Variants in NEB observed in about 807,000 individuals in gnomAD.
NEB encodes nebulin.
In NEB, 512 loss-of-function variants were observed where a neutral mutation model predicts 952.2. The ratio of observed to expected loss-of-function variants is 0.54; its 90% CI spans 0.50 to 0.58. The LOEUF (loss-of-function observed/expected upper bound fraction) is 0.58. NEB is among the 20% of genes least tolerant of loss of function. The probability of loss-of-function intolerance (pLI) is 0.00; values close to 1 mark genes in which losing one functional copy is unlikely to be tolerated. For missense variants in NEB, 8,428 were observed against 9,231.1 expected (o/e 0.91, Z 3.56); for synonymous variants, 2,900 against 3,149.8 (o/e 0.92, Z 2.66).
intron 13 of NEB, among the ~76,000 whole-genome samples, chr2:151,702,574 G>A (rs2099678714): frequency 6.6e-6 from 1 of 151,536 alleles, no homozygotes; most frequent in South Asian, 2.1e-4. Flanking sequence ...TATATATTTA[G>A]GATAGTTAGC....
intron 157 of NEB, among the ~76,000 whole-genome samples, chr2:151,515,307 G>C (rs2077053703): frequency 6.6e-6 from 1 of 152,198 alleles, no homozygotes; most frequent in East Asian, 1.9e-4. Context: ...ACAAGTCAGT[G>C]AGGCAAGGGG....
In NEB at chr2:151,659,074, A is replaced by G. The variant is rs1403762968; in HGVS notation, c.6066T>C (p.Asn2022=). 3 of 1,600,702 alleles carry G rather than the reference A, an allele frequency of 1.9e-6. No individual in the cohort carries two copies. Among genetic ancestry groups the G allele is most frequent in the Admixed American group, 1.7e-5 (1 of 59,940 alleles). ...GGGGAACTATACTTACATCACTCAT[A>G]TTAATTGCATTTGCCTTTGCCAAAA... The part of the protein sequence containing the change: ...QIILAKANAI[N]MSDKLYKLSL... Residue 2022 remains asparagine, a synonymous_variant, in exon 47 of 182, where the codon AAT becomes AAC. Transcript: ENST00000397345.
At chr2:151,561,508 T>C (rs7419413) in intron 121 of NEB, among the ~76,000 whole-genome samples, 196 bp from the exon 122 acceptor site, 99,680 of 151,220 alleles carry the variant, frequency 0.66, 33,130 homozygotes, top group East Asian at 0.79. Flanking sequence ...AGACTGGGGT[T>C]GAGATTTTGG....
chr2:151,495,666 GAAC>G (rs35696429), intron 173 of NEB, among the ~76,000 whole-genome samples: 44 of 150,518 alleles, frequency 2.9e-4, no homozygotes, highest in Middle Eastern at 3.5e-3. Context: ...TAAAACTAAA[GAAC>G]AACAACAACA....
At chr2:151,722,842 T>C (rs1288397646) in intron 9 of NEB, among the ~76,000 whole-genome samples, 1 of 152,126 alleles carries the variant, frequency 6.6e-6, no homozygotes, top group African/African-American at 2.4e-5. Context: ...AGTCACCACA[T>C]CCAGCCACAA....
chr2:151,661,976 C>T (rs1023366638), intron 46 of NEB, among the ~76,000 whole-genome samples, 159 bp downstream of exon 46: 2 of 151,790 alleles, frequency 1.3e-5, no homozygotes, highest in East Asian at 1.9e-4. Flanking sequence ...AGAAATAATT[C>T]CTATTCTTTT....
chr2:151,496,329 C>T lies in NEB; in HGVS notation c.24433G>A (p.Ala8145Thr). The T allele has an allele frequency of 6.2e-7, 1 of 1,611,018 alleles. No individual in the cohort carries two copies. The highest frequency in any genetic ancestry group is 8.5e-7 in the Non-Finnish European group (1 of 1,178,310). The change falls in exon 173 of 182, where the codon GCT (alanine) becomes ACT (threonine). Residue 8145 changes from alanine to threonine, a missense_variant. Coordinates refer to ENST00000397345, the MANE Select transcript of NEB (RefSeq NM_001164508.2). ...KENMGKGTPL[A>T]VTPEMERVKH... is the part of the protein sequence containing the mutation. ...ACTCGCTCCATCTCGGGAGTGACAGCTAAAGGAGTTCCCTTGCCCATGTTT... is the reference window on the plus strand; with the variant it reads ...ACTCGCTCCATCTCGGGAGTGACAGTTAAAGGAGTTCCCTTGCCCATGTTT...
chr2:151,629,063 G>A (rs1438079683), intron 68 of NEB, among the ~76,000 whole-genome samples: 1 of 151,956 alleles, frequency 6.6e-6, no homozygotes, highest in Admixed American at 6.6e-5. Context: ...AAGGATTTAA[G>A]ATAATTTTCC....
chr2:151,640,724 C>T, intron 60 of NEB, 58 bp from the exon 61 acceptor site: 1 of 1,516,586 alleles, frequency 6.6e-7, no homozygotes, highest in Non-Finnish European at 8.9e-7. Flanking sequence ...AAAGCAATCA[C>T]TAAGCCTAAC....
intron 124 of NEB, among the ~76,000 whole-genome samples, chr2:151,559,293 A>G (rs1164473014): frequency 1.3e-5 from 2 of 152,226 alleles, no homozygotes; most frequent in Non-Finnish European, 2.9e-5. Context: ...AGGAAACAAC[A>G]GATGCTGGAG....
intron 161 of NEB, 49 bp from the exon 162 acceptor site, chr2:151,508,158 A>G (rs1303889645): frequency 1.5e-6 from 2 of 1,295,390 alleles, no homozygotes; most frequent in Non-Finnish European, 2.2e-6. Flanking sequence ...ACAGGGATAT[A>G]GGCCAATGGG....
Position 151,508,005 on chromosome 2 carries a change from A to G in NEB, c.23451T>C (p.Leu7817=). The part of the protein sequence containing the change: ...RVRENQKNFS[L]LQYQCDLKNS... ...TGCCTTACATTTAATAAAAACTTAC[A>G]AGGCTGAAGTTCTTTTGGTTCTCCC... is the stretch of plus-strand genomic sequence containing the variant. The change falls in exon 162 of 182, where the codon CTT becomes CTC. Residue 7817 remains leucine, a splice_region_variant and synonymous_variant. Transcript: ENST00000397345. 6.2e-7 allele frequency: 1 copy of G among 1,601,276 alleles called. No individual in the cohort carries two copies. The highest frequency in any genetic ancestry group is 2.2e-5 in the East Asian group (1 of 44,700).
chr2:151,731,036 C>T (rs114111587), intron 3 of NEB, among the ~76,000 whole-genome samples: 228 of 152,252 alleles, frequency 1.5e-3, no homozygotes, highest in African/African-American at 5.0e-3. Flanking sequence ...TTGATGCTGA[C>T]GCCACATAGA....
chr2:151,706,555 C>T (rs1274901771), intron 13 of NEB, among the ~76,000 whole-genome samples: 3 of 152,088 alleles, frequency 2.0e-5, no homozygotes, highest in Non-Finnish European at 2.9e-5. Flanking sequence ...CTGCTTCTGT[C>T]AAAATCACAA....
At chr2:151,674,342 T>C in intron 36 of NEB, 135 bp downstream of exon 36, 2 of 786,198 alleles carry the variant, frequency 2.5e-6, no homozygotes, top group Non-Finnish European at 4.2e-6. Context: ...GTGACAGGTT[T>C]TTCCAAACAA....
intron 169 of NEB, among the ~76,000 whole-genome samples, chr2:151,498,962 G>T (rs1474381038): frequency 6.6e-6 from 1 of 152,034 alleles, no homozygotes; most frequent in Non-Finnish European, 1.5e-5. Flanking sequence ...AAGAAACGAG[G>T]ATAATAGTCG....
At chr2:151,616,980 A>T (rs1362326077) in intron 75 of NEB, among the ~76,000 whole-genome samples, 1 of 152,252 alleles carries the variant, frequency 6.6e-6, no homozygotes, top group Non-Finnish European at 1.5e-5. Context: ...TCAAATGATT[A>T]TCAGAGCATA....
At chr2:151,646,286 T>C (rs2098956562) in intron 54 of NEB, 52 bp from the exon 55 acceptor site, 1 of 1,309,424 alleles carries the variant, frequency 7.6e-7, no homozygotes. Context: ...TAGTGAATGA[T>C]ACAGTTGGCT....
chr2:151,655,888 A>G lies in NEB; in HGVS notation c.6631T>C (p.Phe2211Leu), dbSNP rs369374856. The G allele has an allele frequency of 1.1e-5, 17 of 1,613,652 alleles. No individual in the cohort carries two copies. The African/African-American group carries it at 2.3e-4, about 22-fold the overall frequency. ...DQKYRQHPSN[F>L]QFKKLTDSMD... ...GAATCAGTCAGCTTCTTAAACTGGA[A>G]GTTGCTCGGGTGCTGGCGGTATTTC... is the stretch of plus-strand genomic sequence containing the variant. The change falls in exon 50 of 182, where the codon TTC (phenylalanine) becomes CTC (leucine). Residue 2211 changes from phenylalanine (F) to leucine (L), a missense_variant. Coordinates refer to ENST00000397345, the MANE Select transcript of NEB (RefSeq NM_001164508.2).
Sources: allele counts gnomAD v4.1 joint callset (sites outside exome capture counted in the v4.1 genomes callset), GRCh38; gene constraint gnomAD v4.1.1; transcripts MANE v1.5; gene names NCBI Gene and HGNC (gene_info 2026-07-23, HGNC 2026-07-21).